Variants in ADSL observed in about 807,000 individuals in gnomAD.
ADSL encodes the protein adenylosuccinase.
A neutral mutation model predicts 62.1 loss-of-function variants in ADSL; 44 were observed. That is an observed-to-expected ratio of 0.71 (90% CI 0.56 to 0.91). The LOEUF (loss-of-function observed/expected upper bound fraction) is 0.91. ADSL is among the 40% of genes least tolerant of loss of function. The pLI is 0.00. For missense variants in ADSL, 531 were observed against 627.4 expected (o/e 0.85, Z 1.64); for synonymous variants, 198 against 220.5 (o/e 0.90, Z 0.90).
chr22:40,356,073 A>T (rs985805793), intron 4 of ADSL, among the ~76,000 whole-genome samples: 1 of 150,400 alleles, frequency 6.6e-6, no homozygotes, highest in Non-Finnish European at 1.5e-5. Context: ...GCAGTGGCGC[A>T]TGCCTATAGT....
intron 11 of ADSL, 145 bp from the exon 12 acceptor site, chr22:40,364,735 C>A: frequency 1.2e-6 from 1 of 835,538 alleles, no homozygotes; most frequent in Non-Finnish European, 2.0e-6. Flanking sequence ...GACCCTGGTA[C>A]AGATAGACAC....
Position 40,365,055 on chromosome 22 carries a change from A to T in ADSL, c.1367A>T (p.Gln456Leu). Residue 456 changes from glutamine to leucine, a missense_variant and splice_region_variant, in exon 12 of 13, where the codon CAG becomes CTG. By Grantham distance (113) the Gln-to-Leu change is moderately radical (BLOSUM62 -2). Transcript: ENST00000623063. The part of the protein sequence containing the change: ...PSSFTGRASQ[Q>L]VQRFLEEEVY... ...TCTTTCACTGGTCGTGCCTCCCAGC[A>T]GGTAAGCTTCCAAGAAGCCTCTTTT... 1 of 1,613,192 alleles carries T rather than the reference A, an allele frequency of 6.2e-7. No homozygotes were observed. Among genetic ancestry groups the T allele is most frequent in the South Asian group, 1.1e-5 (1 of 91,070 alleles).
Position 40,346,585 on chromosome 22 carries a change from G to T in ADSL, c.27G>T (p.Ser9=), listed in dbSNP as rs146873132. The T allele has an allele frequency of 7.6e-5, 122 of 1,605,858 alleles. No individual in the cohort carries two copies. In the African/African-American group the frequency reaches 1.5e-3, roughly 20 times the overall value. The change falls in exon 1 of 13, where the codon TCG becomes TCT. Residue 9 remains serine (S), a synonymous_variant. Transcript: ENST00000623063. MAAGGDHG[S]PDSYRSPLAS... ...TGGCGGCTGGAGGCGATCATGGTTC[G>T]CCCGACAGCTACCGCTCACCTCTTG...
chr22:40,361,724 T>G, intron 9 of ADSL, 89 bp downstream of exon 9: 151 of 1,503,274 alleles, frequency 1.0e-4, no homozygotes, highest in Non-Finnish European at 1.2e-4. Context: ...TGAGCATCTC[T>G]ACAGTCTCCT....
chr22:40,348,668 G>T, intron 1 of ADSL: 1 of 398,468 alleles, frequency 2.5e-6, no homozygotes, highest in South Asian at 1.3e-4. Context: ...TACCTGGCCT[G>T]ACTTTTTACT....
downstream of ADSL, among the ~76,000 whole-genome samples, chr22:40,371,560 G>A (rs538442634): frequency 4.6e-5 from 7 of 152,250 alleles, no homozygotes; most frequent in South Asian, 1.2e-3. Flanking sequence ...TTGTGATTAG[G>A]TTTATAGGTA....
chr22:40,357,247 C>CTTTT (rs760770992), intron 4 of ADSL, among the ~76,000 whole-genome samples: 40 of 102,766 alleles, frequency 3.9e-4, no homozygotes, highest in Non-Finnish European at 4.7e-4. Context: ...TTGATTTGGG[C>CTTTT]TTTTTTTTTT....
At chr22:40,360,992 C>T (rs372096829) in intron 7 of ADSL, 3 of 468,066 alleles carry the variant, frequency 6.4e-6, no homozygotes, top group African/African-American at 2.0e-5. Flanking sequence ...TGAGCCACCG[C>T]GCCCATCCTG....
rs143083947 is a variant in ADSL at position 40,346,563 on chromosome 22, C to T, written c.5C>T (p.Ala2Val). ...TGGCGGGGTCGCAGGGTTGGGATGG[C>T]GGCTGGAGGCGATCATGGTTCGCCC... M[A>V]AGGDHGSPDS... is the part of the protein sequence containing the mutation. The change falls in exon 1 of 13, where the codon GCG becomes GTG. Residue 2 changes from alanine (A) to valine (V), a missense_variant. Physicochemically the swap from Ala to Val is moderately conservative, Grantham distance 64 (BLOSUM62 0). Coordinates refer to ENST00000623063, the MANE Select transcript of ADSL (RefSeq NM_000026.4). The T allele has an allele frequency of 1.9e-5, 31 of 1,603,032 alleles. No individual in the cohort carries two copies. In the East Asian group the frequency reaches 3.8e-4, roughly 20 times the overall value.
chr22:40,360,476 G>T lies in ADSL; in HGVS notation c.776G>T (p.Gly259Val). 1 of 1,614,014 alleles carries T rather than the reference G, an allele frequency of 6.2e-7. No homozygotes were observed. Among genetic ancestry groups the T allele is most frequent in the Non-Finnish European group, 8.5e-7 (1 of 1,179,922 alleles). The change falls in exon 7 of 13, where the codon GGG becomes GTG. Residue 259 changes from glycine to valine, a missense_variant. By Grantham distance (109) the Gly-to-Val change is moderately radical (BLOSUM62 -3). This residue lies in a region of ADSL where 471 missense variants were observed against 592.9 expected (regional missense o/e 0.79). Coordinates refer to ENST00000623063, the MANE Select transcript of ADSL (RefSeq NM_000026.4). ...GTACTGTCTGTGCTGGCTAGCTTGG[G>T]GGCATCAGTGCACAAGGTGAGTGGT... is the stretch of plus-strand genomic sequence containing the variant. ...IEVLSVLASL[G>V]ASVHKICTDI... is the part of the protein sequence containing the mutation.
At position 40,366,369 on chromosome 22, in the gene ADSL, T is replaced by C. The variant is rs961001570; in HGVS notation, c.1369-67T>C. 1.5e-5 allele frequency: 18 copies of C among 1,188,420 alleles called. No individual in the cohort carries two copies. In the East Asian group the frequency reaches 2.6e-4, roughly 17 times the overall value. 73.6% of individuals were successfully genotyped at this position (1,188,420 alleles called of 1,614,324 possible). ...AGGTTTCAGTGGTATCCCCTGACAT[T>C]GGAAAAGGTATTATCTGCTAATATC... On this transcript the variant is annotated intron_variant, in intron 12 of 12. Coordinates refer to ENST00000623063, the MANE Select transcript of ADSL (RefSeq NM_000026.4).
chr22:40,357,841 G>C (rs79536767), intron 4 of ADSL, among the ~76,000 whole-genome samples: 3,645 of 151,750 alleles, frequency 0.024, 147 homozygotes, highest in African/African-American at 0.084. Flanking sequence ...TCACAGTCTC[G>C]GCTCATTGCA....
intron 4 of ADSL, 115 bp from the exon 5 acceptor site, chr22:40,358,749 T>C (rs1247887068): frequency 1.1e-6 from 1 of 932,156 alleles, no homozygotes; most frequent in African/African-American, 1.6e-5. Context: ...ACTCCCTCTC[T>C]TACTTAAATT....
At chr22:40,347,915 T>C (rs989921662) in intron 1 of ADSL, among the ~76,000 whole-genome samples, 1 of 152,264 alleles carries the variant, frequency 6.6e-6, no homozygotes, top group Admixed American at 6.5e-5. Context: ...GTACTCTTTC[T>C]ATTTCATCTG....
intron 7 of ADSL, 48 bp downstream of exon 7, chr22:40,360,540 C>T (rs777366830): frequency 1.5e-6 from 2 of 1,327,200 alleles, no homozygotes; most frequent in Non-Finnish European, 1.1e-6. Context: ...TTGGGCACCA[C>T]AGACAGACTG....
chr22:40,357,680 C>T (rs1285434909), intron 4 of ADSL, among the ~76,000 whole-genome samples: 4 of 152,230 alleles, frequency 2.6e-5, no homozygotes, highest in African/African-American at 9.6e-5. Context: ...CTCACAAAGG[C>T]TTTCCTCTAC....
intron 1 of ADSL, chr22:40,348,325 TG>T: frequency 2.5e-6 from 1 of 397,652 alleles, no homozygotes. Flanking sequence ...CTGCCACATG[TG>T]GCTGCCGAGT....
chr22:40,351,409 C>T (rs1387268764), intron 2 of ADSL, among the ~76,000 whole-genome samples: 3 of 151,840 alleles, frequency 2.0e-5, no homozygotes, highest in Non-Finnish European at 4.4e-5. Context: ...TGACCTCAGA[C>T]GATCTACCCT....
downstream of ADSL, among the ~76,000 whole-genome samples, chr22:40,373,176 A>G (rs901160315): frequency 3.3e-5 from 5 of 152,212 alleles, no homozygotes; most frequent in Non-Finnish European, 5.9e-5. Context: ...TGTAAGTGAC[A>G]GGGCCAGAAT....
Sources: allele counts gnomAD v4.1 joint callset (sites outside exome capture counted in the v4.1 genomes callset), GRCh38; gene constraint gnomAD v4.1.1; regional missense constraint gnomAD v4.1.1; transcripts MANE v1.5; gene names NCBI Gene and HGNC (gene_info 2026-07-23, HGNC 2026-07-21).